The following GRAMD4 variants were observed in gnomAD, a reference collection of about 807,000 sequenced individuals.
The protein encoded by GRAMD4 is GRAM domain containing 4, also known as GRAM domain-containing protein 4.
A neutral mutation model predicts 83.9 loss-of-function variants in GRAMD4; 25 were observed. The observed-to-expected ratio is 0.30, with a 90% confidence interval of 0.22 to 0.42. The LOEUF is 0.42. GRAMD4 is among the 10% of genes least tolerant of loss of function. The probability of loss-of-function intolerance (pLI) is 1.00; values close to 1 mark genes in which losing one functional copy is unlikely to be tolerated. For synonymous variants in GRAMD4, 336 were observed against 320.9 expected, an observed-to-expected ratio of 1.05 and a Z score of -0.50; for missense variants, 593 against 788.7, an observed-to-expected ratio of 0.75 and a Z score of 2.97.
At chr22:46,674,523 C>A in intron 15 of GRAMD4, 134 bp from the exon 16 acceptor site, 1 of 734,024 alleles carries the variant, frequency 1.4e-6, no homozygotes. Context: ...GCGCGCCTTC[C>A]TCTCACTGTG....
At chr22:46,587,128 C>T (rs1469066813) in intron 1 of GRAMD4, among the ~76,000 whole-genome samples, 3 of 152,164 alleles carry the variant, frequency 2.0e-5, no homozygotes, top group African/African-American at 7.2e-5. Context: ...AGTAGATTAT[C>T]CCCTGCCCTG....
At chr22:46,605,579 G>T (rs916417441) in intron 1 of GRAMD4, among the ~76,000 whole-genome samples, 25 of 152,264 alleles carry the variant, frequency 1.6e-4, no homozygotes, top group Non-Finnish European at 2.5e-4. Context: ...AGTGCACAAG[G>T]GTTCCGGTTT....
rs534249203 is a variant in GRAMD4, at chr22:46,602,762, C to CTTTTTTT, written c.-49-23979_-49-23973dup. 1.2e-3 allele frequency among the ~76,000 whole-genome samples: 144 copies of CTTTTTTT among 121,442 alleles called. 2 individuals carry two copies. Among genetic ancestry groups the CTTTTTTT allele is most frequent in the Non-Finnish European group, 1.7e-3 (106 of 61,092 alleles). 79.7% of individuals were successfully genotyped at this position (121,442 alleles called of 152,430 possible). On this transcript the variant is annotated intron_variant, in intron 1 of 1. Transcript: ENST00000431155. Reference sequence around the variant, plus strand: ...TCCTTTATCTTTTGTCCATTTTTCTCTTTTTTTTTTTTTTTTGAGGCAGAG... The same window carrying CTTTTTTT: ...TCCTTTATCTTTTGTCCATTTTTCTCTTTTTTTTTTTTTTTTTTTTTTTGAGGCAGAG...
upstream of GRAMD4, among the ~76,000 whole-genome samples, chr22:46,616,941 C>T (rs1192814260): frequency 3.4e-5 from 1 of 29,418 alleles, no homozygotes; most frequent in Non-Finnish European, 6.4e-5. Context: ...TTCCCCTGTG[C>T]GTGTAGGTTC....
intron 1 of GRAMD4, among the ~76,000 whole-genome samples, chr22:46,587,743 GGGTTGAAACA>G (rs1305601932): frequency 6.6e-6 from 1 of 152,094 alleles, no homozygotes; most frequent in African/African-American, 2.4e-5. Flanking sequence ...GCCCGAGGTA[GGGTTGAAACA>G]GGTGGAACTG....
chr22:46,652,124 C>CA (rs779898365), intron 3 of GRAMD4, among the ~76,000 whole-genome samples: 3 of 152,182 alleles, frequency 2.0e-5, no homozygotes, highest in Non-Finnish European at 4.4e-5. Flanking sequence ...TGTGGCCTCC[C>CA]ATGGCAGAAG....
Position 46,677,233 on chromosome 22 carries a change from G to T in GRAMD4, c.1719G>T (p.Ala573=). 6.2e-7 allele frequency: 1 copy of T among 1,613,444 alleles called. No homozygotes were observed. The highest frequency in any genetic ancestry group is 1.3e-5 in the African/African-American group (1 of 75,012). ...SQYIKITSAA[A]SGGDS is the part of the protein sequence containing the mutation. ...ACATCAAGATCACCTCAGCGGCAGCGTCTGGCGGGGACAGCTAGTATTGAC... is the reference window on the plus strand; with the variant it reads ...ACATCAAGATCACCTCAGCGGCAGCTTCTGGCGGGGACAGCTAGTATTGAC... The change falls in exon 19 of 19, where the codon GCG becomes GCT. Residue 573 remains alanine, a synonymous_variant. Transcript: ENST00000406902.
chr22:46,659,405 C>T lies in GRAMD4; in HGVS notation c.404+1098C>T, dbSNP rs908681010. The stretch of plus-strand genomic sequence containing the variant: ...CCCTCCAGGTCTCCCACCTCAGCCT[C>T]CCACCACCATTGGCCACACCTTTGT... On this transcript the variant is annotated intron_variant, in intron 4 of 18. Transcript: ENST00000406902. This position sits in a 1 kb window ranked among gnomAD's most constrained non-coding sequence, Gnocchi z 4.1. Among the ~76,000 whole-genome samples, 7 of 152,238 alleles carry T rather than the reference C, an allele frequency of 4.6e-5. No homozygotes were observed. The highest frequency in any genetic ancestry group is 1.7e-4 in the African/African-American group (7 of 41,456).
chr22:46,668,034 G>T, intron 10 of GRAMD4, 62 bp from the exon 11 acceptor site: 1 of 1,206,638 alleles, frequency 8.3e-7, no homozygotes, highest in Non-Finnish European at 1.2e-6. Context: ...ACACTGTTTT[G>T]TCAGTGGTTT....
At chr22:46,680,393 C>T (rs2082654419), downstream of GRAMD4, among the ~76,000 whole-genome samples, 1 of 151,948 alleles carries the variant, frequency 6.6e-6, no homozygotes, top group Non-Finnish European at 1.5e-5. Flanking sequence ...GAGGCAGAGA[C>T]CTCCCCAGGT....
At chr22:46,581,805 C>T (rs9627512) in intron 1 of GRAMD4, among the ~76,000 whole-genome samples, 25,369 of 152,196 alleles carry the variant, frequency 0.17, 2,659 homozygotes, top group Middle Eastern at 0.29. Flanking sequence ...CCCATATGCA[C>T]GGGGGTTGGG....
At chr22:46,593,465 G>A (rs1352673150) in intron 1 of GRAMD4, among the ~76,000 whole-genome samples, 3 of 152,248 alleles carry the variant, frequency 2.0e-5, no homozygotes, top group Non-Finnish European at 2.9e-5. Flanking sequence ...AGGTGGGACC[G>A]CCCCCCAACC....
chr22:46,626,117 A>G (rs1311218727), intron 1 of GRAMD4, among the ~76,000 whole-genome samples: 1 of 152,154 alleles, frequency 6.6e-6, no homozygotes, highest in Non-Finnish European at 1.5e-5. Context: ...CAGAGGGAGC[A>G]GTGTGGGCGG....
intron 4 of GRAMD4, among the ~76,000 whole-genome samples, chr22:46,660,674 C>T (rs1383234797): frequency 2.6e-5 from 4 of 152,218 alleles, no homozygotes; most frequent in Non-Finnish European, 5.9e-5. Context: ...CCCCTGAAAA[C>T]CTCACTGTCT....
At chr22:46,655,105 A>G (rs1475117771) in intron 3 of GRAMD4, among the ~76,000 whole-genome samples, 1 of 152,180 alleles carries the variant, frequency 6.6e-6, no homozygotes. Flanking sequence ...GTGGAAGAGA[A>G]GCTTCCTCGG....
intron 15 of GRAMD4, 37 bp downstream of exon 15, chr22:46,673,851 C>T (rs373889148): frequency 1.1e-5 from 18 of 1,608,864 alleles, no homozygotes; most frequent in African/African-American, 9.3e-5. Context: ...GGCCGAGCGC[C>T]GACACAGACT....
chr22:46,588,096 G>T (rs978642930), intron 1 of GRAMD4, among the ~76,000 whole-genome samples: 1 of 151,930 alleles, frequency 6.6e-6, no homozygotes, highest in South Asian at 2.1e-4. Flanking sequence ...CCATGGAGCC[G>T]CCTTCGGGGG....
chr22:46,681,451 G>A (rs1336670612), downstream of GRAMD4, among the ~76,000 whole-genome samples: 5 of 152,212 alleles, frequency 3.3e-5, no homozygotes, highest in South Asian at 2.1e-4. Context: ...CTTGGCAATC[G>A]TGCATGTTTT....
At chr22:46,613,605 C>T (rs551489842) in intron 1 of GRAMD4, among the ~76,000 whole-genome samples, 3 of 150,810 alleles carry the variant, frequency 2.0e-5, no homozygotes, top group East Asian at 3.9e-4. Context: ...CTGGGAAGGC[C>T]GTCTCGGACA....
Sources: allele counts gnomAD v4.1 joint callset (sites outside exome capture counted in the v4.1 genomes callset), GRCh38; gene constraint gnomAD v4.1.1; non-coding constraint Gnocchi (gnomAD v3.1); transcripts MANE v1.5; gene names NCBI Gene and HGNC (gene_info 2026-07-23, HGNC 2026-07-21).